The following ACCSL variants were observed in gnomAD, a reference collection of about 807,000 sequenced individuals.
ACCSL encodes the protein probable inactive 1-aminocyclopropane-1-carboxylate synthase-like protein 2.
ACCSL carries 55 observed loss-of-function variants against 61.7 expected under a neutral mutation model. The observed-to-expected ratio is 0.89, with a 90% confidence interval of 0.72 to 1.12. The LOEUF (loss-of-function observed/expected upper bound fraction) is 1.12, where lower values mean the gene tolerates loss of function less well. Ranked by LOEUF, ACCSL falls within the 50% of genes most tolerant of loss-of-function variation. The probability of loss-of-function intolerance (pLI) is 0.00; values close to 1 mark genes in which losing one functional copy is unlikely to be tolerated. For synonymous variants in ACCSL, 258 were observed against 264.3 expected, an observed-to-expected ratio of 0.98 and a Z score of 0.23; for missense variants, 632 against 698.0, an observed-to-expected ratio of 0.91 and a Z score of 1.07.
chr11:44,035,762 A>G, the ACCSL span, among the ~76,000 whole-genome samples: 1 of 151,792 alleles, frequency 6.6e-6, no homozygotes, highest in Non-Finnish European at 1.5e-5. Context: ...ACATGGTGAA[A>G]CCTTGTCTCT....
chr11:43,966,149 G>A, the ACCSL span, among the ~76,000 whole-genome samples: 1 of 152,134 alleles, frequency 6.6e-6, no homozygotes, highest in East Asian at 1.9e-4. Flanking sequence ...ATTTTGGTTG[G>A]GCACAGTGGC....
At chr11:43,997,140 T>C in the ACCSL span, among the ~76,000 whole-genome samples, 1 of 144,860 alleles carries the variant, frequency 6.9e-6, no homozygotes, top group African/African-American at 2.5e-5. Flanking sequence ...ATTATACTCA[T>C]GTGGGGAGTT....
the ACCSL span, among the ~76,000 whole-genome samples, chr11:43,994,325 G>A: frequency 6.6e-6 from 1 of 152,204 alleles, no homozygotes; most frequent in Admixed American, 6.5e-5. Context: ...CAGTCTAACA[G>A]TGTGTGCAGT....
At chr11:43,961,931 C>G in the ACCSL span, among the ~76,000 whole-genome samples, 1 of 152,236 alleles carries the variant, frequency 6.6e-6, no homozygotes, top group Non-Finnish European at 1.5e-5. Flanking sequence ...CACTAGAACT[C>G]TGTAACAGGG....
At chr11:43,969,220 G>T in the ACCSL span, among the ~76,000 whole-genome samples, 1 of 152,046 alleles carries the variant, frequency 6.6e-6, no homozygotes, top group Non-Finnish European at 1.5e-5. Flanking sequence ...AATTAGCCTG[G>T]CATGGTGGCA....
At chr11:44,000,055 G>T in the ACCSL span, among the ~76,000 whole-genome samples, 3 of 152,112 alleles carry the variant, frequency 2.0e-5, no homozygotes, top group African/African-American at 7.2e-5. Flanking sequence ...AAGCGGGGGC[G>T]GATCACTTGA....
At chr11:44,031,073 T>G in the ACCSL span, among the ~76,000 whole-genome samples, 1 of 152,206 alleles carries the variant, frequency 6.6e-6, no homozygotes, top group Non-Finnish European at 1.5e-5. Flanking sequence ...CAGCCCTGCC[T>G]TGTGTTAGCT....
chr11:43,968,240 C>G, the ACCSL span, among the ~76,000 whole-genome samples: 2 of 148,064 alleles, frequency 1.4e-5, no homozygotes, highest in African/African-American at 5.1e-5. Flanking sequence ...GGGTGAGACC[C>G]TTTAGGGTGA....
the ACCSL span, among the ~76,000 whole-genome samples, chr11:43,986,862 G>A: frequency 6.6e-6 from 1 of 152,146 alleles, no homozygotes; most frequent in African/African-American, 2.4e-5. Flanking sequence ...CAGTGTATGA[G>A]ACACCCCAAT....
chr11:44,057,675 A>G (rs1394533101), intron 11 of ACCSL, among the ~76,000 whole-genome samples: 2 of 151,790 alleles, frequency 1.3e-5, no homozygotes, highest in Non-Finnish European at 2.9e-5. Context: ...GGGTGGTAGG[A>G]GCTGCGAGTC....
the ACCSL span, among the ~76,000 whole-genome samples, chr11:43,958,940 C>T: frequency 1.3e-5 from 2 of 152,114 alleles, no homozygotes; most frequent in African/African-American, 4.8e-5. Context: ...AAGATGGCGT[C>T]CTGTTGCTCC....
At position 44,059,956 on chromosome 11, in the gene ACCSL, A is replaced by T. The variant is rs186766162; in HGVS notation, c.*36A>T. The stretch of plus-strand genomic sequence containing the variant: ...TCCCAACCAGCAGTTCCAGCCCATC[A>T]CTTGCTCAGGGACCCCCTAATGTCA... On this transcript the variant is annotated 3_prime_UTR_variant, in exon 14 of 14. Coordinates refer to ENST00000378832, the MANE Select transcript of ACCSL (RefSeq NM_001031854.2). 368 of 1,596,444 alleles carry T rather than the reference A, an allele frequency of 2.3e-4. 1 individual carries two copies. In the East Asian group the frequency reaches 8.1e-3, roughly 35 times the overall value.
At chr11:44,049,895 C>G in intron 1 of ACCSL, 167 bp from the exon 2 acceptor site, 1 of 798,292 alleles carries the variant, frequency 1.3e-6, no homozygotes, top group Non-Finnish European at 2.1e-6. Flanking sequence ...AATTTGCAAG[C>G]TGTACTATTT....
At position 44,055,486 on chromosome 11, in the gene ACCSL, T is replaced by C. The variant is rs566835232; in HGVS notation, c.1139+195T>C. On this transcript the variant is annotated intron_variant, in intron 9 of 13. Transcript: ENST00000378832. Reference sequence around the variant, plus strand: ...TCTATATGCCATTTTGTGTAGAAGATAATTTGAGGTCAAGGTAGAAAGTCT... The same window carrying C: ...TCTATATGCCATTTTGTGTAGAAGACAATTTGAGGTCAAGGTAGAAAGTCT... Among the ~76,000 whole-genome samples the C allele has an allele frequency of 2.0e-5, 3 of 152,348 alleles. No homozygotes were observed. The East Asian group carries it at 5.8e-4, about 29-fold the overall frequency.
chr11:43,956,091 GAAA>G, the ACCSL span, among the ~76,000 whole-genome samples: 596 of 111,976 alleles, frequency 5.3e-3, 7 homozygotes, highest in African/African-American at 0.016. Flanking sequence ...AAGATTTATA[GAAA>G]AAAAAAAAAA....
chr11:43,975,845 G>A, the ACCSL span, among the ~76,000 whole-genome samples: 4 of 152,292 alleles, frequency 2.6e-5, no homozygotes, highest in African/African-American at 9.6e-5. Flanking sequence ...AAGAGCCATG[G>A]AGAATCACTT....
At chr11:43,956,089 TA>T in the ACCSL span, among the ~76,000 whole-genome samples, 1 of 114,200 alleles carries the variant, frequency 8.8e-6, no homozygotes, top group African/African-American at 4.0e-5. Flanking sequence ...AGAAGATTTA[TA>T]GAAAAAAAAA....
chr11:43,921,542 T>C, the ACCSL span, among the ~76,000 whole-genome samples: 1 of 152,240 alleles, frequency 6.6e-6, no homozygotes. Flanking sequence ...AAATAATACC[T>C]GGCCAGGTGA....
chr11:44,050,998 C>T (rs1053626614), intron 3 of ACCSL, among the ~76,000 whole-genome samples: 1 of 151,930 alleles, frequency 6.6e-6, no homozygotes, highest in Non-Finnish European at 1.5e-5. Context: ...CCCGCCACCA[C>T]GCCCAGCTAA....
Sources: allele counts gnomAD v4.1 joint callset (sites outside exome capture counted in the v4.1 genomes callset), GRCh38; gene constraint gnomAD v4.1.1; transcripts MANE v1.5; gene names NCBI Gene and HGNC (gene_info 2026-07-23, HGNC 2026-07-21).